FHIT: variants seen among roughly 807,000 people sequenced by gnomAD.
FHIT encodes the protein bis(5'-adenosyl)-triphosphatase.
FHIT carries 19 observed loss-of-function variants against 17.9 expected under a neutral mutation model. The ratio of observed to expected loss-of-function variants is 1.06; its 90% confidence interval spans 0.74 to 1.56. The LOEUF (loss-of-function observed/expected upper bound fraction) is 1.56, where lower values mean the gene tolerates loss of function less well. FHIT is among the 40% of genes most tolerant of loss of function. FHIT has a pLI of 0.00. For missense variants in FHIT, 248 were observed against 189.2 expected (o/e 1.31, Z -1.82); for synonymous variants, 81 against 69.7 (o/e 1.16, Z -0.81).
chr3:59,939,855 T>G lies in FHIT; in HGVS notation c.280-17441A>C, dbSNP rs771351370. 9.9e-5 allele frequency among the ~76,000 whole-genome samples: 15 copies of G among 151,958 alleles called. 1 individual carries two copies. Among genetic ancestry groups the G allele is most frequent in the Admixed American group, 6.6e-4 (10 of 15,242 alleles). The stretch of plus-strand genomic sequence containing the variant: ...GAGGTAGGGAGTGTCACAGGTAAGG[T>G]TGAGTTAATGAGACATCCTCTAGCT... On this transcript the variant is annotated intron_variant, in intron 7 of 9. Coordinates refer to ENST00000492590, the MANE Select transcript of FHIT (RefSeq NM_002012.4).
At chr3:60,590,832 G>A (rs1160740483) in intron 4 of FHIT, among the ~76,000 whole-genome samples, 1 of 152,090 alleles carries the variant, frequency 6.6e-6, no homozygotes, top group Non-Finnish European at 1.5e-5. Flanking sequence ...AACGCAAAGG[G>A]ACAGAGCACA....
At chr3:60,091,300 A>G (rs1703720052) in intron 5 of FHIT, among the ~76,000 whole-genome samples, 1 of 152,220 alleles carries the variant, frequency 6.6e-6, no homozygotes, top group Non-Finnish European at 1.5e-5. Context: ...GCTTTGAAGA[A>G]GATTTATAAA....
At chr3:60,074,664 G>GAA (rs66994374) in intron 5 of FHIT, among the ~76,000 whole-genome samples, 14 of 150,402 alleles carry the variant, frequency 9.3e-5, no homozygotes, top group East Asian at 2.0e-4. Flanking sequence ...TTCCAAAGGG[G>GAA]AAAAAAAAAC....
chr3:60,116,118 T>C (rs915659561), intron 5 of FHIT, among the ~76,000 whole-genome samples: 2 of 152,172 alleles, frequency 1.3e-5, no homozygotes, highest in African/African-American at 4.8e-5. Context: ...TAGTGTACTA[T>C]GCTAAGGTGT....
At chr3:59,889,848 T>C (rs945381813) in intron 8 of FHIT, among the ~76,000 whole-genome samples, 1 of 152,220 alleles carries the variant, frequency 6.6e-6, no homozygotes, top group South Asian at 2.1e-4. Flanking sequence ...TGAGAGAACA[T>C]ACATTGGCTG....
intron 4 of FHIT, among the ~76,000 whole-genome samples, chr3:60,685,570 A>G (rs2040843773): frequency 6.6e-6 from 1 of 152,138 alleles, no homozygotes; most frequent in Non-Finnish European, 1.5e-5. Flanking sequence ...CCCGTGACAT[A>G]TGGGCCAGTA....
chr3:60,042,841 G>A (rs1462445808), intron 5 of FHIT, among the ~76,000 whole-genome samples: 1 of 152,122 alleles, frequency 6.6e-6, no homozygotes, highest in Non-Finnish European at 1.5e-5. Context: ...GCTAGTGGCT[G>A]GGATAATGTC....
intron 5 of FHIT, among the ~76,000 whole-genome samples, chr3:60,103,636 T>C (rs1180895978): frequency 6.6e-6 from 1 of 152,178 alleles, no homozygotes; most frequent in Non-Finnish European, 1.5e-5. Flanking sequence ...ATAAGGAATA[T>C]TCTCTTACCC....
chr3:60,097,708 T>C (rs1704015186), intron 5 of FHIT, among the ~76,000 whole-genome samples: 1 of 148,414 alleles, frequency 6.7e-6, no homozygotes, highest in African/African-American at 2.6e-5. Context: ...TTTTTTCTTT[T>C]TTTTAAAATT....
At chr3:60,479,533 T>C (rs1233365063) in intron 5 of FHIT, among the ~76,000 whole-genome samples, 2 of 152,214 alleles carry the variant, frequency 1.3e-5, no homozygotes, top group African/African-American at 4.8e-5. Flanking sequence ...TTTGCAGTGA[T>C]GCTGGTATAA....
In FHIT at chr3:60,785,849, A is replaced by G. The variant is rs959634676; in HGVS notation, c.-18+36070T>C. 3.9e-5 allele frequency among the ~76,000 whole-genome samples: 6 copies of G among 151,908 alleles called. No individual in the cohort carries two copies. In the South Asian group the frequency reaches 1.3e-3, roughly 32 times the overall value. ...AATCATTCCTTCCCTCCAGGAGCAAACAGCTTCATGCTAGAAATAAAGCTA... is the reference window on the plus strand; with the variant it reads ...AATCATTCCTTCCCTCCAGGAGCAAGCAGCTTCATGCTAGAAATAAAGCTA... On this transcript the variant is annotated intron_variant, in intron 4 of 9. Transcript: ENST00000492590.
chr3:60,372,137 G>C (rs1269857517), intron 5 of FHIT, among the ~76,000 whole-genome samples: 1 of 152,162 alleles, frequency 6.6e-6, no homozygotes, highest in Non-Finnish European at 1.5e-5. Flanking sequence ...CTGAACAAGA[G>C]TGTTGGAAGA....
At chr3:60,117,570 A>T (rs966043314) in intron 5 of FHIT, among the ~76,000 whole-genome samples, 1 of 150,262 alleles carries the variant, frequency 6.7e-6, no homozygotes, top group African/African-American at 2.4e-5. Flanking sequence ...TTAAGAATTT[A>T]GGAGCTTGCT....
intron 2 of FHIT, among the ~76,000 whole-genome samples, chr3:61,185,103 T>C (rs977519917): frequency 6.6e-6 from 1 of 152,186 alleles, no homozygotes; most frequent in Non-Finnish European, 1.5e-5. Context: ...AAGGATTAAG[T>C]AGGCAGGACA....
chr3:60,541,885 C>T (rs1022267706), intron 4 of FHIT, among the ~76,000 whole-genome samples: 1 of 152,198 alleles, frequency 6.6e-6, no homozygotes, highest in African/African-American at 2.4e-5. Flanking sequence ...ACAGGCTCTA[C>T]TTGATGAGCT....
At chr3:60,085,518 A>G (rs575728931) in intron 5 of FHIT, among the ~76,000 whole-genome samples, 1 of 152,308 alleles carries the variant, frequency 6.6e-6, no homozygotes, top group African/African-American at 2.4e-5. Flanking sequence ...AGTGCTTCAG[A>G]GCCAAAGCAA....
intron 3 of FHIT, among the ~76,000 whole-genome samples, chr3:61,009,886 G>A (rs2031689418): frequency 6.6e-6 from 1 of 152,088 alleles, no homozygotes; most frequent in Non-Finnish European, 1.5e-5. Flanking sequence ...TACCCTTTAG[G>A]AAATAACGAA....
At chr3:60,963,858 G>T (rs922066941) in intron 3 of FHIT, among the ~76,000 whole-genome samples, 8 of 152,170 alleles carry the variant, frequency 5.3e-5, no homozygotes, top group African/African-American at 1.9e-4. Flanking sequence ...CGACTATGTG[G>T]TCAGTTTTGG....
intron 4 of FHIT, among the ~76,000 whole-genome samples, chr3:60,601,389 C>G (rs2038441834): frequency 6.6e-6 from 1 of 152,136 alleles, no homozygotes. Flanking sequence ...CAGATTCCCC[C>G]TGTTAAATGA....
Sources: gnomAD v4.1 joint callset for allele counts (sites outside exome capture counted in the v4.1 genomes callset) on GRCh38, gnomAD v4.1.1 for gene constraint, MANE v1.5 for transcripts, NCBI Gene and HGNC (gene_info 2026-07-23, HGNC 2026-07-21) for gene names.